RAB10: variants seen among roughly 807,000 people sequenced by gnomAD.
RAB10 encodes the protein ras-related protein Rab-10.
In RAB10, 5 loss-of-function variants were observed where a neutral mutation model predicts 25.7. The observed-to-expected ratio is 0.19, with a 90% confidence interval of 0.10 to 0.41. RAB10 has a LOEUF of 0.41. RAB10 is among the 10% of genes least tolerant of loss of function. The probability of loss-of-function intolerance (pLI) is 1.00; values close to 1 mark genes in which losing one functional copy is unlikely to be tolerated. For synonymous variants in RAB10, 89 were observed against 86.4 expected, an observed-to-expected ratio of 1.03 and a Z score of -0.16; for missense variants, 103 against 245.8, an observed-to-expected ratio of 0.42 and a Z score of 3.89.
intron 3 of RAB10, among the ~76,000 whole-genome samples, chr2:26,117,071 G>A (rs746841046): frequency 2.6e-5 from 4 of 152,116 alleles, no homozygotes; most frequent in Non-Finnish European, 5.9e-5. Context: ...TCTGAAGCGT[G>A]TTCTACTTTT....
At chr2:26,056,046 C>T (rs542068923) in intron 1 of RAB10, among the ~76,000 whole-genome samples, 1 of 152,094 alleles carries the variant, frequency 6.6e-6, no homozygotes, top group East Asian at 1.9e-4. Context: ...AGGCACACAC[C>T]ACCACACCTG....
chr2:26,111,486 C>T (rs1424184251), intron 3 of RAB10, among the ~76,000 whole-genome samples: 1 of 151,908 alleles, frequency 6.6e-6, no homozygotes, highest in Non-Finnish European at 1.5e-5. Context: ...TGCCTGTAAT[C>T]CCAGCTACTT....
rs778077413 is a variant in RAB10 at position 26,134,991 on chromosome 2, C to T, written c.573C>T (p.Gly191=). 36 of 1,613,446 alleles carry T rather than the reference C, an allele frequency of 2.2e-5. No individual in the cohort carries two copies. The highest frequency in any genetic ancestry group is 1.2e-4 in the South Asian group (11 of 91,010). The stretch of plus-strand genomic sequence containing the variant: ...ATGTAGATATCAGCAGTGGAGGAGG[C>T]GTGACAGGCTGGAAGAGCAAATGCT... ...SENVDISSGG[G]VTGWKSKCC Residue 191 remains glycine, a synonymous_variant, in exon 6 of 6, where the codon GGC becomes GGT. Coordinates refer to ENST00000264710, the MANE Select transcript of RAB10 (RefSeq NM_016131.5).
chr2:26,054,484 G>T (rs1203260818), intron 1 of RAB10, among the ~76,000 whole-genome samples: 1 of 152,154 alleles, frequency 6.6e-6, no homozygotes, highest in Admixed American at 6.5e-5. Flanking sequence ...GCCACCACAC[G>T]TGGCCGGATA....
At chr2:26,057,987 T>C (rs1240433837) in intron 1 of RAB10, among the ~76,000 whole-genome samples, 1 of 152,168 alleles carries the variant, frequency 6.6e-6, no homozygotes, top group Non-Finnish European at 1.5e-5. Flanking sequence ...ACCCCTACTT[T>C]GAAAAAATTG....
intron 1 of RAB10, among the ~76,000 whole-genome samples, chr2:26,070,670 T>C (rs1338016199): frequency 6.6e-6 from 1 of 152,196 alleles, no homozygotes; most frequent in Admixed American, 6.5e-5. Flanking sequence ...ATGGAAAGCT[T>C]TGTAATTATA....
chr2:26,073,948 T>C (rs978747892), intron 1 of RAB10, among the ~76,000 whole-genome samples: 52 of 152,324 alleles, frequency 3.4e-4, no homozygotes, highest in African/African-American at 1.2e-3. Flanking sequence ...ATGTTATATA[T>C]TTTAGAGCAA....
intron 3 of RAB10, among the ~76,000 whole-genome samples, 167 bp downstream of exon 3, chr2:26,110,073 A>G (rs954438860): frequency 6.6e-6 from 1 of 152,148 alleles, no homozygotes; most frequent in Non-Finnish European, 1.5e-5. Context: ...ATGGTGGCTC[A>G]TGCCTGTAAT....
At chr2:26,066,277 GA>G (rs370900868) in intron 1 of RAB10, among the ~76,000 whole-genome samples, 5 of 149,132 alleles carry the variant, frequency 3.4e-5, no homozygotes, top group Non-Finnish European at 5.9e-5. Context: ...ACTTGGAATT[GA>G]AAAAAAAAGA....
intron 1 of RAB10, among the ~76,000 whole-genome samples, chr2:26,093,003 G>A (rs1381519730): frequency 6.6e-6 from 1 of 152,084 alleles, no homozygotes; most frequent in African/African-American, 2.4e-5. Context: ...AATTAAGAGG[G>A]GAGCAATAAG....
intron 1 of RAB10, among the ~76,000 whole-genome samples, chr2:26,075,445 G>A (rs980774891): frequency 6.6e-6 from 1 of 151,888 alleles, no homozygotes; most frequent in South Asian, 2.1e-4. Flanking sequence ...TGACTGGAGG[G>A]GTCTTGAATG....
intron 5 of RAB10, among the ~76,000 whole-genome samples, chr2:26,133,997 T>C (rs1359408083): frequency 5.9e-5 from 9 of 152,110 alleles, no homozygotes; most frequent in African/African-American, 2.2e-4. Flanking sequence ...AAGTAATATT[T>C]AGTGTTGGGA....
chr2:26,041,475 G>A (rs1051188709), intron 1 of RAB10, among the ~76,000 whole-genome samples: 5 of 150,728 alleles, frequency 3.3e-5, no homozygotes, highest in East Asian at 1.9e-4. Context: ...CCCGGGAGGC[G>A]GAGGTTGCAG....
In RAB10 at chr2:26,081,307, C is replaced by A. The variant is rs1666863793; in HGVS notation, c.128-17355C>A. On this transcript the variant is annotated intron_variant, in intron 1 of 5. Coordinates refer to ENST00000264710, the MANE Select transcript of RAB10 (RefSeq NM_016131.5). ...AATAGATCTGTTCATAGTTTGTACT[C>A]CCTGATATGATCAACTGAGAAAGGT... Among the ~76,000 whole-genome samples the A allele has an allele frequency of 5.9e-5, 9 of 152,288 alleles. No individual in the cohort carries two copies. The South Asian group carries it at 1.9e-3, about 32-fold the overall frequency.
At chr2:26,122,054 A>C (rs1667811639) in intron 3 of RAB10, among the ~76,000 whole-genome samples, 1 of 152,232 alleles carries the variant, frequency 6.6e-6, no homozygotes, top group Admixed American at 6.5e-5. Flanking sequence ...AAGTGCCACT[A>C]GTGATGCCAG....
chr2:26,072,831 A>G (rs1666656602), intron 1 of RAB10, among the ~76,000 whole-genome samples: 1 of 152,246 alleles, frequency 6.6e-6, no homozygotes, highest in Non-Finnish European at 1.5e-5. Context: ...ACAAAATGTC[A>G]TTTATGTTAA....
chr2:26,037,493 T>C (rs1370134518), intron 1 of RAB10, among the ~76,000 whole-genome samples: 1 of 151,926 alleles, frequency 6.6e-6, no homozygotes, highest in African/African-American at 2.4e-5. Flanking sequence ...ACAAAAATTA[T>C]CTGGGCGTGG....
In RAB10 at chr2:26,034,619, A is replaced by C; in HGVS notation, c.11A>C (p.Lys4Thr). MAK[K>T]TYDLLFKLLL... is the part of the protein sequence containing the mutation. ...GAGCCGCTCCTCCCAATGGCGAAGA[A>C]GACGTACGACCTGCTTTTCAAGCTG... is the stretch of plus-strand genomic sequence containing the variant. Residue 4 changes from lysine (K) to threonine (T), a missense_variant, in exon 1 of 6, where the codon AAG becomes ACG. By Grantham distance (78) the Lys-to-Thr change is moderately conservative (BLOSUM62 -1). Around this residue, in one of 2 missense-constraint regions of RAB10, gnomAD observed 79 missense variants for 217.8 expected, o/e 0.36. Transcript: ENST00000264710. The C allele has an allele frequency of 6.2e-7, 1 of 1,613,700 alleles. No individual in the cohort carries two copies. Among genetic ancestry groups the C allele is most frequent in the Non-Finnish European group, 8.5e-7 (1 of 1,180,040 alleles).
At chr2:26,106,632 C>G (rs1265110274) in intron 2 of RAB10, among the ~76,000 whole-genome samples, 1 of 152,084 alleles carries the variant, frequency 6.6e-6, no homozygotes, top group African/African-American at 2.4e-5. Flanking sequence ...ACGCCTATAA[C>G]CCCAGCACTT....
Sources: allele counts gnomAD v4.1 joint callset (sites outside exome capture counted in the v4.1 genomes callset), GRCh38; gene constraint gnomAD v4.1.1; regional missense constraint gnomAD v4.1.1; transcripts MANE v1.5; gene names NCBI Gene and HGNC (gene_info 2026-07-23, HGNC 2026-07-21).